The following SAMMSON variants were observed in gnomAD, a reference collection of about 807,000 sequenced individuals.
SAMMSON encodes the protein long intergenic non-protein coding RNA 1212.
chr3:70,351,890 G>A (rs183998430), intron 7 of SAMMSON, among the ~76,000 whole-genome samples: 6 of 152,046 alleles, frequency 3.9e-5, no homozygotes, highest in Admixed American at 3.9e-4. Flanking sequence ...CACTGATTAG[G>A]TTCGTATTTA....
intron 3 of SAMMSON, among the ~76,000 whole-genome samples, chr3:70,031,108 T>TAGC (rs1174659960): frequency 2.6e-5 from 4 of 152,142 alleles, no homozygotes; most frequent in Non-Finnish European, 5.9e-5. Context: ...GATGGCAACA[T>TAGC]TATCCACAAT....
chr3:70,262,865 G>A (rs905035982), intron 6 of SAMMSON, among the ~76,000 whole-genome samples: 1 of 152,070 alleles, frequency 6.6e-6, no homozygotes, highest in Non-Finnish European at 1.5e-5. Context: ...GGTCAATAAG[G>A]TTGGGTTTTA....
intron 4 of SAMMSON, among the ~76,000 whole-genome samples, chr3:70,088,562 C>G (rs961453772): frequency 2.0e-5 from 3 of 152,134 alleles, no homozygotes; most frequent in African/African-American, 7.2e-5. Flanking sequence ...ATTGGCTAAG[C>G]CCTTCTCTGT....
intron 2 of SAMMSON, among the ~76,000 whole-genome samples, chr3:70,408,586 G>C (rs964403789): frequency 3.3e-5 from 5 of 152,126 alleles, no homozygotes; most frequent in African/African-American, 1.2e-4. Context: ...TTCCCAACAA[G>C]TTCCTCATCT....
intron 6 of SAMMSON, among the ~76,000 whole-genome samples, chr3:70,282,940 CTT>C (rs1374865089): frequency 1.3e-5 from 2 of 152,102 alleles, no homozygotes; most frequent in Non-Finnish European, 2.9e-5. Flanking sequence ...AAAGATGACT[CTT>C]ATAACCATTG....
intron 4 of SAMMSON, among the ~76,000 whole-genome samples, chr3:70,122,151 A>G (rs2067437238): frequency 6.6e-6 from 1 of 152,234 alleles, no homozygotes; most frequent in South Asian, 2.1e-4. Context: ...TGCAGTCTAT[A>G]ATCAGGAATG....
chr3:70,043,396 G>GA (rs1210568322), intron 3 of SAMMSON, among the ~76,000 whole-genome samples: 1 of 151,588 alleles, frequency 6.6e-6, no homozygotes, highest in Non-Finnish European at 1.5e-5. Flanking sequence ...ATTTCCAGCA[G>GA]AAAAAAAATG....
At chr3:70,129,900 A>G (rs921244762) in intron 4 of SAMMSON, among the ~76,000 whole-genome samples, 11 of 152,218 alleles carry the variant, frequency 7.2e-5, no homozygotes, top group Non-Finnish European at 1.5e-4. Flanking sequence ...TTTAAGCTGT[A>G]CAACATGATG....
At chr3:70,126,282 G>A in intron 4 of SAMMSON, 2 of 1,072,524 alleles carry the variant, frequency 1.9e-6, no homozygotes, top group South Asian at 1.3e-5. Flanking sequence ...AGAGACTGGA[G>A]TGGGACATGG....
Position 70,399,930 on chromosome 3 carries a change from A to G in SAMMSON, n.233+41606A>G, listed in dbSNP as rs538406987. ...ACCAACAACAAAAATACTTTTGTGT[A>G]TATCAGTTTTTCTCATTAATGTACT... On this transcript the variant is annotated intron_variant and non_coding_transcript_variant, in intron 2 of 3. Transcript: ENST00000641053. 4.6e-5 allele frequency among the ~76,000 whole-genome samples: 7 copies of G among 152,088 alleles called. No individual in the cohort carries two copies. In the East Asian group the frequency reaches 1.2e-3, roughly 25 times the overall value.
chr3:70,247,907 A>G (rs1036852224), intron 4 of SAMMSON, among the ~76,000 whole-genome samples: 3 of 152,102 alleles, frequency 2.0e-5, no homozygotes, highest in Non-Finnish European at 2.9e-5. Context: ...TGTTTTCTGT[A>G]GTAAAGAGAT....
chr3:70,055,228 G>A (rs937512865), intron 3 of SAMMSON, among the ~76,000 whole-genome samples: 2 of 152,008 alleles, frequency 1.3e-5, no homozygotes, highest in African/African-American at 4.8e-5. Flanking sequence ...GCTGGATGAT[G>A]GAGGAATATA....
chr3:70,288,858 T>C (rs964772816), intron 6 of SAMMSON, among the ~76,000 whole-genome samples: 1 of 151,644 alleles, frequency 6.6e-6, no homozygotes, highest in Non-Finnish European at 1.5e-5. Context: ...TAAAGTCTGT[T>C]TTATCAGAGA....
At chr3:70,289,468 C>T (rs539862416) in intron 6 of SAMMSON, among the ~76,000 whole-genome samples, 4 of 149,550 alleles carry the variant, frequency 2.7e-5, no homozygotes, top group Non-Finnish European at 6.0e-5. Context: ...GGTAACCCAA[C>T]CTTTCTCTCT....
At chr3:70,096,735 A>C (rs1275141840) in intron 4 of SAMMSON, among the ~76,000 whole-genome samples, 1 of 152,166 alleles carries the variant, frequency 6.6e-6, no homozygotes, top group Non-Finnish European at 1.5e-5. Context: ...CTACAGAATT[A>C]ATTAGTTAAT....
At chr3:70,331,659 C>T (rs903001336) in intron 7 of SAMMSON, among the ~76,000 whole-genome samples, 2 of 152,218 alleles carry the variant, frequency 1.3e-5, no homozygotes, top group African/African-American at 4.8e-5. Context: ...TTAAGCTTTT[C>T]TAAGCAGCAT....
chr3:70,056,163 T>C (rs1205393272), intron 3 of SAMMSON, among the ~76,000 whole-genome samples: 3 of 152,072 alleles, frequency 2.0e-5, no homozygotes, highest in African/African-American at 7.2e-5. Context: ...GACAAAGGGC[T>C]TCTTGGAATT....
chr3:70,021,294 C>A (rs893662603), intron 3 of SAMMSON, among the ~76,000 whole-genome samples: 2 of 152,078 alleles, frequency 1.3e-5, no homozygotes, highest in Non-Finnish European at 2.9e-5. Flanking sequence ...ATTAGATTTT[C>A]TTTTATTTCA....
intron 7 of SAMMSON, among the ~76,000 whole-genome samples, chr3:70,339,296 A>G (rs903958218): frequency 6.6e-6 from 1 of 152,210 alleles, no homozygotes; most frequent in African/African-American, 2.4e-5. Flanking sequence ...AATCATAAAA[A>G]ACCCTAGAAG....
Sources: allele counts gnomAD v4.1 joint callset (sites outside exome capture counted in the v4.1 genomes callset), GRCh38; gene constraint gnomAD v4.1.1; transcripts MANE v1.5; gene names NCBI Gene and HGNC (gene_info 2026-07-23, HGNC 2026-07-21).